The following GRIP1 variants were observed in gnomAD, a reference collection of about 807,000 sequenced individuals.
The protein encoded by GRIP1 is glutamate receptor interacting protein 1, also known as glutamate receptor-interacting protein 1.
A neutral mutation model predicts 129.9 loss-of-function variants in GRIP1; 45 were observed. That is an observed-to-expected ratio of 0.35 (90% CI 0.27 to 0.44). GRIP1 has a LOEUF of 0.44. Among genes scored for constraint, GRIP1 ranks in the 20% least tolerant of loss-of-function variants. The pLI, the probability that GRIP1 is intolerant of heterozygous loss-of-function variation, is 1.00. For synonymous variants in GRIP1, 530 were observed against 520.8 expected, an observed-to-expected ratio of 1.02 and a Z score of -0.24; for missense variants, 1,196 against 1,396.8, an observed-to-expected ratio of 0.86 and a Z score of 2.29.
chr12:67,034,191 A>G (rs1394220802), intron 1 of GRIP1, among the ~76,000 whole-genome samples: 1 of 152,206 alleles, frequency 6.6e-6, no homozygotes, highest in East Asian at 1.9e-4. Context: ...GGGCAAAAGG[A>G]ACCTGCTGGA....
intron 17 of GRIP1, 83 bp downstream of exon 17, chr12:66,394,125 G>C: frequency 7.9e-7 from 1 of 1,262,454 alleles, no homozygotes; most frequent in Non-Finnish European, 1.2e-6. Flanking sequence ...TAACCACAGA[G>C]AGAGGAGCAT....
intron 1 of GRIP1, among the ~76,000 whole-genome samples, chr12:66,995,909 TGTA>T (rs952154881): frequency 2.6e-5 from 4 of 152,140 alleles, no homozygotes; most frequent in Admixed American, 2.6e-4. Flanking sequence ...ATAGCAAAAA[TGTA>T]GGAACAACCC....
intron 1 of GRIP1, among the ~76,000 whole-genome samples, chr12:66,687,985 G>A (rs1362872788): frequency 2.0e-5 from 3 of 152,194 alleles, no homozygotes; most frequent in African/African-American, 7.2e-5. Context: ...TGTACTTGGA[G>A]TTGCTATCTT....
chr12:66,731,589 T>C (rs1483047515), intron 1 of GRIP1, among the ~76,000 whole-genome samples: 1 of 152,158 alleles, frequency 6.6e-6, no homozygotes, highest in Non-Finnish European at 1.5e-5. Flanking sequence ...TACCTGAAAA[T>C]CTATCTGACT....
At chr12:66,924,138 C>A (rs117731640) in intron 1 of GRIP1, among the ~76,000 whole-genome samples, 2 of 152,190 alleles carry the variant, frequency 1.3e-5, no homozygotes, top group African/African-American at 4.8e-5. Flanking sequence ...AGCCACCATG[C>A]CCAGCCAATT....
At chr12:67,019,932 A>C (rs1386645691) in intron 1 of GRIP1, among the ~76,000 whole-genome samples, 1 of 152,174 alleles carries the variant, frequency 6.6e-6, no homozygotes, top group Non-Finnish European at 1.5e-5. Flanking sequence ...AAAAGTTAAG[A>C]CTTATAAGAA....
chr12:66,552,854 C>T (rs2062187783), intron 2 of GRIP1, among the ~76,000 whole-genome samples: 1 of 152,168 alleles, frequency 6.6e-6, no homozygotes, highest in Non-Finnish European at 1.5e-5. Context: ...AGTGTAGTCA[C>T]TGCAGATCAC....
chr12:66,671,844 G>A (rs1008132787), intron 1 of GRIP1, among the ~76,000 whole-genome samples: 1 of 152,200 alleles, frequency 6.6e-6, no homozygotes, highest in Non-Finnish European at 1.5e-5. Context: ...CAGACAATAT[G>A]TATCAGAAGA....
At chr12:66,576,998 ACT>A (rs2063159392) in intron 2 of GRIP1, among the ~76,000 whole-genome samples, 3 of 152,244 alleles carry the variant, frequency 2.0e-5, no homozygotes, top group African/African-American at 7.2e-5. Flanking sequence ...GTTTTCTTGA[ACT>A]CTGTTCTTTT....
intron 15 of GRIP1, among the ~76,000 whole-genome samples, chr12:66,414,028 A>T (rs1430976553): frequency 6.6e-6 from 1 of 152,184 alleles, no homozygotes; most frequent in Non-Finnish European, 1.5e-5. Context: ...TTCACCTTGA[A>T]AACTAGCACA....
intron 1 of GRIP1, among the ~76,000 whole-genome samples, chr12:66,866,541 C>A (rs530892187): frequency 6.6e-6 from 1 of 152,218 alleles, no homozygotes; most frequent in African/African-American, 2.4e-5. Context: ...ATGACTAAGA[C>A]CTACTAATTG....
In GRIP1 at chr12:66,859,515, C is replaced by T. The variant is rs573447494; in HGVS notation, c.58+209535G>A. ...ATAATACAAGTAGAAAAAAAAGTGA[C>T]TCTGAATAAAATAATTTTCTCAGAC... is the stretch of plus-strand genomic sequence containing the variant. On this transcript the variant is annotated intron_variant, in intron 1 of 1. Coordinates refer to the GRIP1 transcript ENST00000643019. 2.0e-5 allele frequency among the ~76,000 whole-genome samples: 3 copies of T among 152,068 alleles called. No homozygotes were observed. In the East Asian group the frequency reaches 5.8e-4, roughly 30 times the overall value.
At chr12:66,596,235 T>C (rs2064045046) in intron 2 of GRIP1, among the ~76,000 whole-genome samples, 1 of 152,228 alleles carries the variant, frequency 6.6e-6, no homozygotes, top group Non-Finnish European at 1.5e-5. Context: ...TGTTTTTGTG[T>C]CATTCACAAA....
rs2041210660 is a variant in GRIP1, at chr12:66,921,408, A to G, written c.58+147642T>C. Among the ~76,000 whole-genome samples the G allele has an allele frequency of 2.0e-5, 3 of 152,334 alleles. No homozygotes were observed. The South Asian group carries it at 6.2e-4, about 32-fold the overall frequency. On this transcript the variant is annotated intron_variant, in intron 1 of 1. Coordinates refer to the GRIP1 transcript ENST00000643019. ...AGCCTTATCTGGATCATTGAAAGGT[A>G]TCTGGGCTACCTCCTAGCCAGACTC...
intron 7 of GRIP1, among the ~76,000 whole-genome samples, chr12:66,469,511 T>G (rs1044006978): frequency 4.6e-5 from 7 of 152,188 alleles, no homozygotes; most frequent in African/African-American, 1.7e-4. Context: ...AGACTGAGTT[T>G]GGAGGGATGG....
chr12:66,527,947 C>T (rs2061312260), intron 5 of GRIP1, among the ~76,000 whole-genome samples: 1 of 151,774 alleles, frequency 6.6e-6, no homozygotes. Context: ...CAAACCTGAA[C>T]ATGTACCCCT....
chr12:66,353,195 C>T (rs767179669), intron 24 of GRIP1, among the ~76,000 whole-genome samples: 4 of 151,840 alleles, frequency 2.6e-5, no homozygotes, highest in African/African-American at 4.8e-5. Context: ...AGCTCAGTGC[C>T]GAAAAAAACT....
At chr12:66,364,575 A>C (rs1353574995) in intron 23 of GRIP1, among the ~76,000 whole-genome samples, 2 of 152,200 alleles carry the variant, frequency 1.3e-5, no homozygotes, top group Admixed American at 6.5e-5. Context: ...ATATGGGACA[A>C]AGGACAGAAC....
intron 1 of GRIP1, among the ~76,000 whole-genome samples, chr12:66,996,849 C>G (rs1420419418): frequency 6.6e-6 from 1 of 152,122 alleles, no homozygotes; most frequent in Non-Finnish European, 1.5e-5. Context: ...ACATCTCAGT[C>G]CAAACCTGAG....
Sources: gnomAD v4.1 joint callset for allele counts (sites outside exome capture counted in the v4.1 genomes callset) on GRCh38, gnomAD v4.1.1 for gene constraint, MANE v1.5 for transcripts, NCBI Gene and HGNC (gene_info 2026-07-23, HGNC 2026-07-21) for gene names.